The following MED13L variants were observed in gnomAD, a reference collection of about 807,000 sequenced individuals.
The protein encoded by MED13L is mediator complex subunit 13L.
A neutral mutation model predicts 220.9 loss-of-function variants in MED13L; 7 were observed. The ratio of observed to expected loss-of-function variants is 0.03; its 90% CI spans 0.02 to 0.06. The LOEUF is 0.06. Among genes scored for constraint, MED13L ranks in the 10% least tolerant of loss-of-function variants. MED13L has a pLI of 1.00. For synonymous variants in MED13L, 1,011 were observed against 1,015.2 expected (o/e 1.00, Z 0.08); for missense variants, 1,965 against 2,760.5 (o/e 0.71, Z 6.46).
At chr12:116,066,359 T>C (rs1245304455) in intron 4 of MED13L, among the ~76,000 whole-genome samples, 2 of 152,238 alleles carry the variant, frequency 1.3e-5, no homozygotes, top group African/African-American at 4.8e-5. Flanking sequence ...AGAAAACTCA[T>C]TTGTATCACA....
chr12:116,133,393 T>C (rs897931899), intron 2 of MED13L, among the ~76,000 whole-genome samples: 24 of 152,278 alleles, frequency 1.6e-4, no homozygotes, highest in African/African-American at 5.8e-4. Flanking sequence ...GCTAACAATC[T>C]GGAAACAGCC....
chr12:116,124,442 T>C (rs751774052), intron 2 of MED13L, among the ~76,000 whole-genome samples: 6 of 152,210 alleles, frequency 3.9e-5, no homozygotes, highest in Non-Finnish European at 7.3e-5. Flanking sequence ...TCTTTCACTA[T>C]AGGACTAGAA....
chr12:116,204,066 G>C (rs1882167886), intron 2 of MED13L, among the ~76,000 whole-genome samples: 2 of 152,160 alleles, frequency 1.3e-5, no homozygotes, highest in South Asian at 4.1e-4. Context: ...AAATGCCAGT[G>C]GTGGGCATAC....
intron 2 of MED13L, among the ~76,000 whole-genome samples, chr12:116,215,850 G>A (rs1882958976): frequency 6.6e-6 from 1 of 152,020 alleles, no homozygotes; most frequent in Non-Finnish European, 1.5e-5. Context: ...CAATGTCCCA[G>A]CCCCAATTTA....
chr12:116,000,505 T>C (rs1393822267), intron 14 of MED13L, among the ~76,000 whole-genome samples: 1 of 152,202 alleles, frequency 6.6e-6, no homozygotes, highest in African/African-American at 2.4e-5. Context: ...AAAGCAGCAT[T>C]GTTGATTTCT....
chr12:116,061,718 A>G (rs1370736495), intron 4 of MED13L, among the ~76,000 whole-genome samples: 1 of 152,176 alleles, frequency 6.6e-6, no homozygotes, highest in African/African-American at 2.4e-5. Context: ...TCAGAAAGGA[A>G]AATTCAAGGC....
At chr12:116,120,739 G>A (rs986175246) in intron 2 of MED13L, among the ~76,000 whole-genome samples, 1 of 151,884 alleles carries the variant, frequency 6.6e-6, no homozygotes. Context: ...AGGAAAAAAA[G>A]CCTTTCTAAT....
intron 2 of MED13L, among the ~76,000 whole-genome samples, chr12:116,135,379 C>A (rs1876448186): frequency 6.6e-6 from 1 of 152,210 alleles, no homozygotes; most frequent in Non-Finnish European, 1.5e-5. Flanking sequence ...AATCCTAGCT[C>A]ATCCATGCCC....
At chr12:116,074,550 G>T (rs1178189489) in intron 4 of MED13L, among the ~76,000 whole-genome samples, 1 of 152,098 alleles carries the variant, frequency 6.6e-6, no homozygotes, top group African/African-American at 2.4e-5. Context: ...CTCTAAGTTT[G>T]GCTAAATGTT....
chr12:116,085,365 G>T (rs144735886), intron 4 of MED13L, among the ~76,000 whole-genome samples: 1 of 152,032 alleles, frequency 6.6e-6, no homozygotes, highest in Admixed American at 6.6e-5. Flanking sequence ...ATAATTATAA[G>T]AATCAAAGAT....
chr12:116,209,856 T>A (rs1882581480), intron 2 of MED13L, among the ~76,000 whole-genome samples: 1 of 152,188 alleles, frequency 6.6e-6, no homozygotes, highest in South Asian at 2.1e-4. Context: ...CTTACCCTAT[T>A]CTTCCAAGCG....
chr12:116,229,175 C>A (rs1387191117), intron 2 of MED13L, among the ~76,000 whole-genome samples: 1 of 152,142 alleles, frequency 6.6e-6, no homozygotes, highest in African/African-American at 2.4e-5. Flanking sequence ...CATGGCTACA[C>A]TTAAAAATGT....
intron 19 of MED13L, among the ~76,000 whole-genome samples, chr12:115,984,607 T>C (rs373728414): frequency 6.6e-6 from 1 of 151,808 alleles, no homozygotes; most frequent in Non-Finnish European, 1.5e-5. Flanking sequence ...AAAAAAAAAA[T>C]GTTTCTTCAC....
intron 4 of MED13L, among the ~76,000 whole-genome samples, chr12:116,061,522 T>C (rs2137637076): frequency 6.6e-6 from 1 of 152,206 alleles, no homozygotes; most frequent in South Asian, 2.1e-4. Flanking sequence ...CATAGATATA[T>C]AAACATAAAA....
At chr12:116,081,675 C>A (rs1055243773) in intron 4 of MED13L, among the ~76,000 whole-genome samples, 2 of 151,988 alleles carry the variant, frequency 1.3e-5, no homozygotes, top group Admixed American at 6.6e-5. Context: ...GAGACCAGCC[C>A]GGGAAACATA....
intron 2 of MED13L, among the ~76,000 whole-genome samples, chr12:116,149,940 T>C (rs1877905232): frequency 6.6e-6 from 1 of 152,238 alleles, no homozygotes; most frequent in South Asian, 2.1e-4. Flanking sequence ...AAAGGTGTGA[T>C]ATTTCTTTCA....
At chr12:116,198,698 C>G (rs1881809345) in intron 2 of MED13L, among the ~76,000 whole-genome samples, 1 of 151,656 alleles carries the variant, frequency 6.6e-6, no homozygotes, top group South Asian at 2.1e-4. Context: ...TCTAACACCT[C>G]CCCTAGACTA....
intron 2 of MED13L, among the ~76,000 whole-genome samples, chr12:116,225,671 T>G (rs1254354870): frequency 6.6e-6 from 1 of 152,200 alleles, no homozygotes; most frequent in Non-Finnish European, 1.5e-5. Flanking sequence ...ATAACATGCC[T>G]TATTAAAAGT....
chr12:116,101,723 A>C (rs1467871298), intron 3 of MED13L, among the ~76,000 whole-genome samples: 1 of 152,248 alleles, frequency 6.6e-6, no homozygotes, highest in Non-Finnish European at 1.5e-5. Flanking sequence ...TCTAAGATAT[A>C]AAAGTTACAT....
Sources: gnomAD v4.1 joint callset for allele counts (sites outside exome capture counted in the v4.1 genomes callset) on GRCh38, gnomAD v4.1.1 for gene constraint, MANE v1.5 for transcripts, NCBI Gene and HGNC (gene_info 2026-07-23, HGNC 2026-07-21) for gene names.